The following UTY variants were observed in gnomAD, a reference collection of about 807,000 sequenced individuals.
The protein encoded by UTY is histone demethylase UTY.
UTY carries 12 observed loss-of-function variants against 32.5 expected under a neutral mutation model. That is an observed-to-expected ratio of 0.37 (90% confidence interval 0.24 to 0.60). UTY has a LOEUF of 0.60. Ranked by LOEUF, UTY falls within the 20% of genes least tolerant of loss-of-function variation. UTY has a pLI of 0.69. For synonymous variants in UTY, 131 were observed against 103.4 expected (o/e 1.27, Z -1.62); for missense variants, 303 against 299.2 (o/e 1.01, Z -0.09).
chrY:13,326,975 G>A, intron 18 of UTY, among the ~76,000 whole-genome samples: 1 of 33,636 alleles, frequency 3.0e-5, no homozygotes, highest in Non-Finnish European at 7.4e-5. Flanking sequence ...TTACTTAACA[G>A]TATTTGGATT....
intron 4 of UTY, among the ~76,000 whole-genome samples, chrY:13,434,438 T>C: frequency 3.0e-5 from 1 of 33,798 alleles, no homozygotes; most frequent in African/African-American, 1.2e-4. Context: ...TGGCCTCAAG[T>C]GATCTACCCT....
chrY:13,289,660 A>G, intron 27 of UTY, among the ~76,000 whole-genome samples: 1 of 33,853 alleles, frequency 3.0e-5, no homozygotes, highest in Non-Finnish European at 7.3e-5. Flanking sequence ...AGCTGAATAA[A>G]GCCCTTCCTT....
At chrY:13,427,502 G>C in intron 4 of UTY, among the ~76,000 whole-genome samples, 1 of 33,057 alleles carries the variant, frequency 3.0e-5, no homozygotes, top group East Asian at 7.9e-4. Context: ...AATATAAAAA[G>C]ACACTCCACA....
chrY:13,381,976 T>C, intron 8 of UTY, among the ~76,000 whole-genome samples: 1 of 33,285 alleles, frequency 3.0e-5, no homozygotes, highest in Non-Finnish European at 7.4e-5. Flanking sequence ...TTTTAGAGTA[T>C]ACTCTTCCTA....
At chrY:13,339,748 T>C in intron 17 of UTY, among the ~76,000 whole-genome samples, 1 of 32,911 alleles carries the variant, frequency 3.0e-5, no homozygotes, top group Admixed American at 2.7e-4. Flanking sequence ...CTGAGGCAAG[T>C]GTGAGAAAAA....
chrY:13,352,511 GT>G (rs2062488666), intron 17 of UTY, among the ~76,000 whole-genome samples: 1 of 32,802 alleles, frequency 3.0e-5, no homozygotes, highest in Non-Finnish European at 7.5e-5. Context: ...GTCTTGGTAT[GT>G]TTTCCAGGCT....
chrY:13,282,949 C>T, intron 27 of UTY, among the ~76,000 whole-genome samples: 1 of 34,636 alleles, frequency 2.9e-5, no homozygotes, highest in African/African-American at 1.1e-4. Flanking sequence ...CAAAGCAGCG[C>T]GTAGCAGGCC....
At chrY:13,355,447 G>A in intron 16 of UTY, 49 bp from the exon 17 acceptor site, 1 of 370,745 alleles carries the variant, frequency 2.7e-6, no homozygotes, top group Non-Finnish European at 3.8e-6. Context: ...AAAATGTGTA[G>A]TTCATACATC....
At chrY:13,374,542 TTAAAA>T (rs2065244982) in intron 8 of UTY, among the ~76,000 whole-genome samples, 1 of 33,177 alleles carries the variant, frequency 3.0e-5, no homozygotes, top group Non-Finnish European at 7.4e-5. Flanking sequence ...ACTGAAAATA[TTAAAA>T]TAAAGAATAA....
chrY:13,297,130 G>C (rs893379817), intron 27 of UTY, among the ~76,000 whole-genome samples: 4 of 33,796 alleles, frequency 1.2e-4, no homozygotes, highest in African/African-American at 4.6e-4. Context: ...ATGGCTCACA[G>C]TTCTGCAAGC....
At chrY:13,254,904 T>C (rs1027926533) in intron 28 of UTY, among the ~76,000 whole-genome samples, 5 of 33,273 alleles carry the variant, frequency 1.5e-4, no homozygotes, top group Non-Finnish European at 3.0e-4. Flanking sequence ...GAAGCACAAA[T>C]AAACAAGGCA....
chrY:13,470,223 G>C lies in UTY; in HGVS notation c.223C>G (p.Arg75Gly). 2.6e-6 allele frequency: 1 copy of C among 389,368 alleles called. No homozygotes were observed. Among genetic ancestry groups the C allele is most frequent in the Non-Finnish European group, 3.6e-6 (1 of 277,990 alleles). The part of the protein sequence containing the change: ...RTKTLLGKAV[R>G]CYESLILKAE... ...TTTAAGATTAAAGATTCGTAGCAGC[G>C]AACAGCCTAGAAATAAAAATTATAA... is the stretch of plus-strand genomic sequence containing the variant. Residue 75 changes from arginine (R) to glycine (G), a missense_variant, in exon 3 of 30, where the codon CGC becomes GGC. Physicochemically the swap from Arg to Gly is moderately radical, Grantham distance 125. Transcript: ENST00000545955.
intron 21 of UTY, among the ~76,000 whole-genome samples, chrY:13,312,086 G>C (rs2059134417): frequency 6.6e-5 from 2 of 30,135 alleles, no homozygotes; most frequent in African/African-American, 2.6e-4. Context: ...AAAAGGGTAT[G>C]TCTACTAAAA....
chrY:13,374,027 A>G (rs968802374), intron 8 of UTY, among the ~76,000 whole-genome samples: 3 of 33,483 alleles, frequency 9.0e-5, no homozygotes, highest in Admixed American at 8.2e-4. Flanking sequence ...AAATTTGTCT[A>G]TTCTGTATAT....
chrY:13,395,269 A>G (rs2068009818), intron 7 of UTY, among the ~76,000 whole-genome samples: 1 of 32,220 alleles, frequency 3.1e-5, no homozygotes, highest in Non-Finnish European at 7.5e-5. Flanking sequence ...TTTCAAACAG[A>G]GTTTTCCTTA....
intron 8 of UTY, among the ~76,000 whole-genome samples, chrY:13,381,244 G>A (rs752492194): frequency 2.9e-5 from 1 of 34,574 alleles, no homozygotes; most frequent in Admixed American, 2.6e-4. Context: ...ACAATTAAGA[G>A]TTAAGTGACA....
intron 28 of UTY, among the ~76,000 whole-genome samples, chrY:13,235,062 T>C (rs2148314625): frequency 2.9e-5 from 1 of 34,240 alleles, no homozygotes; most frequent in South Asian, 6.5e-4. Context: ...CTTATGCTCA[T>C]CAGTGCCCAA....
At chrY:13,442,641 G>A in intron 4 of UTY, among the ~76,000 whole-genome samples, 1 of 33,969 alleles carries the variant, frequency 2.9e-5, no homozygotes, top group African/African-American at 1.1e-4. Context: ...TGGGATAGAA[G>A]AGCTAGGCTT....
intron 21 of UTY, among the ~76,000 whole-genome samples, chrY:13,311,460 T>C (rs2059077893): frequency 3.3e-5 from 1 of 30,123 alleles, no homozygotes; most frequent in Non-Finnish European, 8.0e-5. Flanking sequence ...CCGGGCGTGG[T>C]AGCGGGCGCC....
Sources: allele counts gnomAD v4.1 joint callset (sites outside exome capture counted in the v4.1 genomes callset), GRCh38; gene constraint gnomAD v4.1.1; transcripts MANE v1.5; gene names NCBI Gene and HGNC (gene_info 2026-07-23, HGNC 2026-07-21).